WDPCP: variants seen among roughly 807,000 people sequenced by gnomAD.
The protein encoded by WDPCP is WD repeat-containing and planar cell polarity effector protein fritz homolog.
A neutral mutation model predicts 93.1 loss-of-function variants in WDPCP; 71 were observed. The ratio of observed to expected loss-of-function variants is 0.76; its 90% CI spans 0.63 to 0.93. WDPCP has a LOEUF of 0.93. Among genes scored for constraint, WDPCP ranks in the 40% least tolerant of loss-of-function variants. The pLI is 0.00. For synonymous variants in WDPCP, 315 were observed against 315.0 expected (o/e 1.00, Z 0.00); for missense variants, 844 against 887.4 (o/e 0.95, Z 0.62).
chr2:63,817,159 A>T (rs1428166264), intron 1 of WDPCP, among the ~76,000 whole-genome samples: 1 of 151,034 alleles, frequency 6.6e-6, no homozygotes, highest in Admixed American at 6.6e-5. Context: ...ACCCAGGCTG[A>T]AGTGCAATGG....
intron 3 of WDPCP, among the ~76,000 whole-genome samples, chr2:63,634,520 A>T (rs576669732): frequency 3.9e-5 from 6 of 152,224 alleles, no homozygotes; most frequent in Non-Finnish European, 5.9e-5. Flanking sequence ...GATCAAATGT[A>T]CCTAACAGAC....
intron 1 of WDPCP, among the ~76,000 whole-genome samples, chr2:63,519,434 G>A (rs865994590): frequency 2.0e-5 from 3 of 152,326 alleles, no homozygotes; most frequent in South Asian, 2.1e-4. Context: ...CTGCCATGTG[G>A]CTGGCAAATG....
chr2:63,506,289 T>A (rs1350113582), intron 1 of WDPCP, among the ~76,000 whole-genome samples: 1 of 152,020 alleles, frequency 6.6e-6, no homozygotes, highest in Non-Finnish European at 1.5e-5. Context: ...TATATGCCAA[T>A]GCTTGATTTC....
intron 14 of WDPCP, among the ~76,000 whole-genome samples, chr2:63,184,766 T>A (rs972121369): frequency 6.6e-6 from 1 of 152,206 alleles, no homozygotes; most frequent in Non-Finnish European, 1.5e-5. Flanking sequence ...AAATCTCTTA[T>A]AAAATTAGGG....
At chr2:63,607,368 C>T (rs532178433) in intron 3 of WDPCP, among the ~76,000 whole-genome samples, 4 of 152,170 alleles carry the variant, frequency 2.6e-5, no homozygotes, top group African/African-American at 9.6e-5. Flanking sequence ...GACACCCCAT[C>T]TCTACTAAAA....
At position 63,815,724 on chromosome 2, in the gene WDPCP, G is replaced by A. The variant is rs11896443; in HGVS notation, n.223-2017C>T. ...TTATTTGGTTGTTTATTAAGGAGCT[G>A]CATTTAAATTCCAAAACAGTGGAAG... On this transcript the variant is annotated intron_variant and non_coding_transcript_variant, in intron 1 of 4. Coordinates refer to the WDPCP transcript ENST00000467687. Among the ~76,000 whole-genome samples, 1,088 of 152,262 alleles carry A rather than the reference G, an allele frequency of 7.1e-3. 16 individuals are homozygous for A. Among genetic ancestry groups the A allele is most frequent in the African/African-American group, 0.025 (1,044 of 41,536 alleles).
At chr2:63,572,548 C>T (rs777261585) in intron 1 of WDPCP, among the ~76,000 whole-genome samples, 1 of 150,946 alleles carries the variant, frequency 6.6e-6, no homozygotes, top group Non-Finnish European at 1.5e-5. Flanking sequence ...ACTAAAAATA[C>T]AAAAATTAGC....
intron 3 of WDPCP, chr2:63,594,816 T>C: frequency 2.5e-6 from 1 of 400,924 alleles, no homozygotes; most frequent in Non-Finnish European, 4.5e-6. Flanking sequence ...CTCAGTTGAC[T>C]TGGTGCAACC....
At chr2:63,565,130 C>T (rs75120987) in intron 1 of WDPCP, among the ~76,000 whole-genome samples, 4 of 152,010 alleles carry the variant, frequency 2.6e-5, no homozygotes, top group Non-Finnish European at 2.9e-5. Flanking sequence ...GAAAGCAAAA[C>T]AAGATTTATC....
intron 13 of WDPCP, among the ~76,000 whole-genome samples, chr2:63,297,025 A>G (rs1467826910): frequency 6.6e-6 from 1 of 152,234 alleles, no homozygotes; most frequent in South Asian, 2.1e-4. Context: ...GCATCACATT[A>G]TCTGAATGCT....
intron 2 of WDPCP, among the ~76,000 whole-genome samples, chr2:63,740,748 T>C (rs933953905): frequency 6.6e-6 from 1 of 152,144 alleles, no homozygotes; most frequent in Non-Finnish European, 1.5e-5. Flanking sequence ...ACAATTTCCA[T>C]AATACATTAA....
At chr2:63,754,786 A>G (rs1358748618) in intron 2 of WDPCP, among the ~76,000 whole-genome samples, 1 of 152,196 alleles carries the variant, frequency 6.6e-6, no homozygotes, top group Non-Finnish European at 1.5e-5. Flanking sequence ...GACTGGGTGT[A>G]TTAATTATCT....
At chr2:63,329,980 C>T (rs1262711012) in intron 12 of WDPCP, among the ~76,000 whole-genome samples, 1 of 152,098 alleles carries the variant, frequency 6.6e-6, no homozygotes. Flanking sequence ...ATTTCTTTAT[C>T]CATTCAACTT....
intron 15 of WDPCP, among the ~76,000 whole-genome samples, chr2:63,154,343 G>T (rs149204095): frequency 2.0e-4 from 30 of 152,142 alleles, no homozygotes; most frequent in African/African-American, 7.0e-4. Context: ...GGCAACCACA[G>T]ATATCTTCTT....
At chr2:63,734,640 A>G (rs1669612826) in intron 2 of WDPCP, among the ~76,000 whole-genome samples, 1 of 152,242 alleles carries the variant, frequency 6.6e-6, no homozygotes, top group African/African-American at 2.4e-5. Context: ...CATCAGCTTT[A>G]ACAAACATTT....
intron 3 of WDPCP, among the ~76,000 whole-genome samples, chr2:63,635,288 A>G (rs1041762744): frequency 1.3e-5 from 2 of 152,172 alleles, no homozygotes; most frequent in East Asian, 1.9e-4. Flanking sequence ...ATTCTACCAA[A>G]TGTTCAAAGA....
At chr2:63,420,459 G>C (rs552222714) in intron 9 of WDPCP, among the ~76,000 whole-genome samples, 29 of 151,048 alleles carry the variant, frequency 1.9e-4, no homozygotes, top group Non-Finnish European at 4.3e-4. Flanking sequence ...ACTTGAACCC[G>C]GGAGGTGGAG....
At chr2:63,783,718 G>A (rs1043294470) in intron 2 of WDPCP, among the ~76,000 whole-genome samples, 1 of 152,148 alleles carries the variant, frequency 6.6e-6, no homozygotes, top group Admixed American at 6.6e-5. Context: ...GCTAAATAAT[G>A]TGTACACCTT....
At chr2:63,541,173 G>A (rs967589891) in intron 1 of WDPCP, among the ~76,000 whole-genome samples, 2 of 151,932 alleles carry the variant, frequency 1.3e-5, no homozygotes, top group Non-Finnish European at 1.5e-5. Context: ...GGTTTTTGCC[G>A]TGTTGGTCAG....
Sources: allele counts gnomAD v4.1 joint callset (sites outside exome capture counted in the v4.1 genomes callset), GRCh38; gene constraint gnomAD v4.1.1; transcripts MANE v1.5; gene names NCBI Gene and HGNC (gene_info 2026-07-23, HGNC 2026-07-21).